TRIM23: variants seen among roughly 807,000 people sequenced by gnomAD.
The protein encoded by TRIM23 is tripartite motif containing 23.
In TRIM23, 27 loss-of-function variants were observed where a neutral mutation model predicts 71.0. The ratio of observed to expected loss-of-function variants is 0.38; its 90% CI spans 0.28 to 0.52. The LOEUF is 0.52. Among genes scored for constraint, TRIM23 ranks in the 20% least tolerant of loss-of-function variants. The pLI is 0.84. For missense variants in TRIM23, 482 were observed against 692.3 expected, an observed-to-expected ratio of 0.70 and a Z score of 3.41; for synonymous variants, 234 against 238.0, an observed-to-expected ratio of 0.98 and a Z score of 0.16.
chr5:65,591,281 G>T lies in TRIM23; in HGVS notation c.*488C>A. ...TCCTATTATCCAAATATGTAGTTTG[G>T]ATTCTATTTCATTAAGCAACTGTCA... On this transcript the variant is annotated 3_prime_UTR_variant, in exon 11 of 11. Transcript: ENST00000231524. 4 of 1,362,236 alleles carry T rather than the reference G, an allele frequency of 2.9e-6. No homozygotes were observed. Among genetic ancestry groups the T allele is most frequent in the Non-Finnish European group, 3.8e-6 (4 of 1,059,790 alleles). 84.4% of individuals were successfully genotyped at this position (1,362,236 alleles called of 1,614,324 possible). A position where few individuals can be genotyped will look rare whatever the true frequency, so the allele number is the denominator to read the frequency against.
At position 65,591,265 on chromosome 5, in the gene TRIM23, C is replaced by G. The variant is rs1754015488; in HGVS notation, c.*504G>C. On this transcript the variant is annotated 3_prime_UTR_variant, in exon 11 of 11. Coordinates refer to ENST00000231524, the MANE Select transcript of TRIM23 (RefSeq NM_001656.4). The stretch of plus-strand genomic sequence containing the variant: ...CATAAACATAAAGTAATCCTATTAT[C>G]CAAATATGTAGTTTGGATTCTATTT... 2.3e-6 allele frequency: 3 copies of G among 1,330,226 alleles called. No homozygotes were observed. 82.4% of individuals were successfully genotyped at this position (1,330,226 alleles called of 1,614,324 possible).
At chr5:65,613,024 G>C (rs1413576640) in intron 3 of TRIM23, among the ~76,000 whole-genome samples, 1 of 151,986 alleles carries the variant, frequency 6.6e-6, no homozygotes, top group African/African-American at 2.4e-5. Flanking sequence ...GAGAAATTTA[G>C]TATAAATTTT....
At chr5:65,602,946 A>C (rs953782056) in intron 7 of TRIM23, among the ~76,000 whole-genome samples, 1 of 152,180 alleles carries the variant, frequency 6.6e-6, no homozygotes, top group Admixed American at 6.5e-5. Flanking sequence ...ACACAGCCAA[A>C]CCATATCACA....
At position 65,609,312 on chromosome 5, in the gene TRIM23, T is replaced by C. The variant is rs768105643; in HGVS notation, c.975A>G (p.Gln325=). 245 of 1,614,094 alleles carry C rather than the reference T, an allele frequency of 1.5e-4. No individual in the cohort carries two copies. The highest frequency in any genetic ancestry group is 2.7e-4 in the East Asian group (12 of 44,902). ...REKLIWLRQQ[Q]EDMTILLSEV... is the part of the protein sequence containing the mutation. Reference sequence around the variant, plus strand: ...CTGACAACAAAATAGTCATATCTTCTTGTTGCTGCCTGAGCCAAATCAATT... The same window carrying C: ...CTGACAACAAAATAGTCATATCTTCCTGTTGCTGCCTGAGCCAAATCAATT... Residue 325 remains glutamine, a synonymous_variant, in exon 6 of 11, where the codon CAA becomes CAG. Coordinates refer to ENST00000231524, the MANE Select transcript of TRIM23 (RefSeq NM_001656.4).
chr5:65,597,486 C>T (rs376036074), intron 7 of TRIM23, among the ~76,000 whole-genome samples: 1 of 152,214 alleles, frequency 6.6e-6, no homozygotes, highest in East Asian at 1.9e-4. Context: ...CTAAAAAAAT[C>T]ACAATAAGGG....
chr5:65,610,630 G>A (rs866050294), intron 5 of TRIM23, among the ~76,000 whole-genome samples: 8 of 152,232 alleles, frequency 5.3e-5, no homozygotes, highest in African/African-American at 1.9e-4. Context: ...CATTGTCCCT[G>A]TTTTGTGATG....
chr5:65,595,317 G>A (rs1754170142), intron 9 of TRIM23, among the ~76,000 whole-genome samples: 1 of 152,048 alleles, frequency 6.6e-6, no homozygotes, highest in Non-Finnish European at 1.5e-5. Flanking sequence ...CAGCACTTTG[G>A]GAGGCCAAGA....
chr5:65,594,919 TA>T (rs1402085696), intron 9 of TRIM23, among the ~76,000 whole-genome samples: 1 of 152,226 alleles, frequency 6.6e-6, no homozygotes, highest in Non-Finnish European at 1.5e-5. Flanking sequence ...GTATATCAAA[TA>T]ACTTTTTACA....
At chr5:65,616,595 T>G (rs193023525) in intron 2 of TRIM23, among the ~76,000 whole-genome samples, 1 of 136,268 alleles carries the variant, frequency 7.3e-6, no homozygotes, top group East Asian at 2.2e-4. Context: ...TGAGCTGAGA[T>G]CGCGCCACAG....
chr5:65,594,006 G>C lies in TRIM23; in HGVS notation c.1545+515C>G, dbSNP rs73097138. On this transcript the variant is annotated intron_variant, in intron 10 of 10. Transcript: ENST00000231524. ...TAAATTTCTCAGTCTAGCACTGTCA[G>C]ACCTTTACAGCATGGCCTTGTCTGT... Among the ~76,000 whole-genome samples the C allele has an allele frequency of 7.0e-3, 1,068 of 152,254 alleles. 10 individuals carry two copies. The highest frequency in any genetic ancestry group is 0.024 in the African/African-American group (997 of 41,536).
chr5:65,597,507 A>AAGGGT, intron 7 of TRIM23, among the ~76,000 whole-genome samples: 1 of 152,350 alleles, frequency 6.6e-6, no homozygotes, highest in African/African-American at 2.4e-5. Flanking sequence ...TAAATCAATT[A>AAGGGT]AAATGAAAAA....
intron 2 of TRIM23, 96 bp downstream of exon 2, chr5:65,617,997 T>C: frequency 7.7e-7 from 1 of 1,302,956 alleles, no homozygotes; most frequent in Non-Finnish European, 1.0e-6. Context: ...GGGAATTTTA[T>C]CATTCTAAAA....
chr5:65,598,248 T>C (rs923808609), intron 7 of TRIM23, among the ~76,000 whole-genome samples: 1 of 152,120 alleles, frequency 6.6e-6, no homozygotes, highest in African/African-American at 2.4e-5. Context: ...AAACAATATA[T>C]GGAACAGAAC....
At chr5:65,622,197 A>C (rs1387010729) in intron 1 of TRIM23, among the ~76,000 whole-genome samples, 1 of 151,978 alleles carries the variant, frequency 6.6e-6, no homozygotes, top group Non-Finnish European at 1.5e-5. Flanking sequence ...ATGGAGTCTC[A>C]CTCTGTCACC....
In TRIM23 at chr5:65,610,816, A is replaced by G. The variant is rs762435988; in HGVS notation, c.828+45T>C. 2.0e-6 allele frequency: 3 copies of G among 1,499,140 alleles called. No individual in the cohort carries two copies. In the South Asian group the frequency reaches 3.9e-5, roughly 20 times the overall value. The allele number at this position is 1,499,140 out of a possible 1,614,324, so 92.9% of individuals were successfully genotyped here. A position where few individuals can be genotyped will look rare whatever the true frequency, so the allele number is the denominator to read the frequency against. Reference sequence around the variant, plus strand: ...TACTTAGTAGAAGGTGAAAATATGAAAAATAAAAAAGAATGAGAAAGTGAA... The same window carrying G: ...TACTTAGTAGAAGGTGAAAATATGAGAAATAAAAAAGAATGAGAAAGTGAA... On this transcript the variant is annotated intron_variant, in intron 5 of 10. Coordinates refer to ENST00000231524, the MANE Select transcript of TRIM23 (RefSeq NM_001656.4).
rs1425942091 is a variant in TRIM23, at chr5:65,599,958, A to C, written c.1180-2778T>G. ...TTCCACAGGCAGTACAGGAAGCATG[A>C]TGCTGGCATCAGCTTGGCTTCAGGG... is the stretch of plus-strand genomic sequence containing the variant. On this transcript the variant is annotated intron_variant, in intron 7 of 10. Coordinates refer to ENST00000231524, the MANE Select transcript of TRIM23 (RefSeq NM_001656.4). Among the ~76,000 whole-genome samples, 9 of 152,216 alleles carry C rather than the reference A, an allele frequency of 5.9e-5. No homozygotes were observed. The East Asian group carries it at 1.7e-3, about 29-fold the overall frequency.
chr5:65,623,615 CAA>C (rs1335149371), intron 1 of TRIM23, among the ~76,000 whole-genome samples: 2 of 152,156 alleles, frequency 1.3e-5, no homozygotes, highest in African/African-American at 2.4e-5. Flanking sequence ...CAGACTTGTG[CAA>C]AGAGTTAATA....
chr5:65,605,570 C>T (rs1166018468), intron 6 of TRIM23, among the ~76,000 whole-genome samples: 1 of 152,088 alleles, frequency 6.6e-6, no homozygotes. Context: ...CTTATGCATA[C>T]ATTTCTATAT....
intron 7 of TRIM23, among the ~76,000 whole-genome samples, chr5:65,602,236 C>A (rs154863): frequency 0.62 from 94,235 of 151,930 alleles, 29,490 homozygotes; most frequent in South Asian, 0.65. Context: ...TGCTGCTTAG[C>A]AATTTCTTCC....
Sources: allele counts gnomAD v4.1 joint callset (sites outside exome capture counted in the v4.1 genomes callset), GRCh38; gene constraint gnomAD v4.1.1; transcripts MANE v1.5; gene names NCBI Gene and HGNC (gene_info 2026-07-23, HGNC 2026-07-21).